WTAP: variants seen among roughly 807,000 people sequenced by gnomAD.
The protein encoded by WTAP is WT1 associated protein.
WTAP carries 8 observed loss-of-function variants against 50.0 expected under a neutral mutation model. The observed-to-expected ratio is 0.16, with a 90% confidence interval of 0.09 to 0.29. WTAP has a LOEUF of 0.29. WTAP is among the 10% of genes least tolerant of loss of function. The pLI is 1.00. For synonymous variants in WTAP, 194 were observed against 169.0 expected (o/e 1.15, Z -1.15); for missense variants, 295 against 470.7 (o/e 0.63, Z 3.45).
chr6:159,742,339 A>C (rs1314920132), intron 4 of WTAP, among the ~76,000 whole-genome samples, 193 bp downstream of exon 4: 1 of 152,214 alleles, frequency 6.6e-6, no homozygotes, highest in East Asian at 1.9e-4. Context: ...TGGAGAAGAC[A>C]GAGGTGTAAT....
At chr6:159,727,849 T>C (rs2114854140) in intron 1 of WTAP, 146 bp downstream of exon 1, 1 of 519,988 alleles carries the variant, frequency 1.9e-6, no homozygotes, top group Non-Finnish European at 2.5e-6. Flanking sequence ...CGTGAGCCGC[T>C]CTACCTTCCC....
At chr6:159,751,716 T>A (rs1168493919) in intron 6 of WTAP, among the ~76,000 whole-genome samples, 1 of 152,230 alleles carries the variant, frequency 6.6e-6, no homozygotes, top group African/African-American at 2.4e-5. Context: ...ACTCTTCAGG[T>A]ATTTTCTGGA....
At position 159,755,584 on chromosome 6, in the gene WTAP, TG is replaced by T. The variant is rs760412179; in HGVS notation, c.1165del (p.Val389Ter). 3 of 1,613,064 alleles carry T rather than the reference TG, an allele frequency of 1.9e-6. No individual in the cohort carries two copies. Among genetic ancestry groups the T allele is most frequent in the Non-Finnish European group, 2.5e-6 (3 of 1,179,590 alleles). On this transcript the variant is annotated frameshift_variant, in exon 8 of 8. Coordinates refer to ENST00000621533, the MANE Select transcript of WTAP (RefSeq NM_001270531.2). LOFTEE classifies it high-confidence loss of function. ...ACGTTCAGAATGGCTTGGACTCAAGTGTAAATGTACAGGGTTCAGTTTTGTA... is the reference window on the plus strand; with the variant it reads ...ACGTTCAGAATGGCTTGGACTCAAGTTAAATGTACAGGGTTCAGTTTTGTA... Reference protein sequence around the residue: ...RHVQNGLDSSVNVQGSVL With the variant: ...RHVQNGLDSSXNVQGSVL
chr6:159,732,136 G>C (rs1329670126), intron 1 of WTAP, among the ~76,000 whole-genome samples: 1 of 151,990 alleles, frequency 6.6e-6, no homozygotes, highest in Non-Finnish European at 1.5e-5. Flanking sequence ...TTTTTGATCC[G>C]AGTACTGTAT....
chr6:159,734,966 C>T (rs893795734), intron 1 of WTAP, among the ~76,000 whole-genome samples: 9 of 151,822 alleles, frequency 5.9e-5, no homozygotes, highest in African/African-American at 2.2e-4. Context: ...AGCATTCGTT[C>T]TAAAAAACAG....
chr6:159,744,252 C>G lies in WTAP; in HGVS notation c.273+460C>G, dbSNP rs771712113. ...TTAATTGTTAGAACTTTGATGTGTA[C>G]TGTGTAGTATTTACTATGTCTACGT... On this transcript the variant is annotated intron_variant, in intron 5 of 7. Coordinates refer to ENST00000621533, the MANE Select transcript of WTAP (RefSeq NM_001270531.2). Among the ~76,000 whole-genome samples, 2 of 152,094 alleles carry G rather than the reference C, an allele frequency of 1.3e-5. 1 individual carries two copies. The highest frequency in any genetic ancestry group is 2.9e-5 in the Non-Finnish European group (2 of 68,016).
rs1298146814 is a variant in WTAP, at chr6:159,748,005, A to G, written c.274-186A>G. ...TCAGATCGGGGTAATTAGCATATTCATCAAATAGTTTTTAGTCTGTACTTT... is the reference window on the plus strand; with the variant it reads ...TCAGATCGGGGTAATTAGCATATTCGTCAAATAGTTTTTAGTCTGTACTTT... On this transcript the variant is annotated intron_variant, in intron 5 of 7. Transcript: ENST00000621533. The surrounding 1 kb of genome is among the most constrained non-coding windows in gnomAD (Gnocchi z 5.6). Among the ~76,000 whole-genome samples the G allele has an allele frequency of 6.6e-6, 1 of 152,216 alleles. No individual in the cohort carries two copies. Among genetic ancestry groups the G allele is most frequent in the African/African-American group, 2.4e-5 (1 of 41,456 alleles).
Position 159,748,994 on chromosome 6 carries a change from A to T in WTAP, c.452+625A>T. 1 of 1,028,918 alleles carries T rather than the reference A, an allele frequency of 9.7e-7. No individual in the cohort carries two copies. Among genetic ancestry groups the T allele is most frequent in the Non-Finnish European group, 1.2e-6 (1 of 858,662 alleles). The allele number at this position is 1,028,918 out of a possible 1,614,324, so 63.7% of individuals were successfully genotyped here. A position where few individuals can be genotyped will look rare whatever the true frequency, so the allele number is the denominator to read the frequency against. On this transcript the variant is annotated intron_variant, in intron 6 of 7. Coordinates refer to ENST00000621533, the MANE Select transcript of WTAP (RefSeq NM_001270531.2). This position sits in a 1 kb window ranked among gnomAD's most constrained non-coding sequence, Gnocchi z 5.6. The stretch of plus-strand genomic sequence containing the variant: ...AACCAACTTTCAATAGTCATGAGAG[A>T]ATCAAATAATAGATGTCCGTACAAG...
chr6:159,751,182 A>C (rs1779806470), intron 6 of WTAP, among the ~76,000 whole-genome samples: 1 of 152,212 alleles, frequency 6.6e-6, no homozygotes, highest in Non-Finnish European at 1.5e-5. Context: ...ATTTTGTTAA[A>C]ATTTATTTTA....
intron 4 of WTAP, among the ~76,000 whole-genome samples, chr6:159,742,823 A>C (rs1779341315): frequency 1.3e-5 from 2 of 152,160 alleles, no homozygotes; most frequent in South Asian, 2.1e-4. Flanking sequence ...TGGGAGGCCA[A>C]GGTGGGAAGA....
intron 4 of WTAP, 47 bp from the exon 5 acceptor site, chr6:159,743,618 G>T: frequency 6.5e-7 from 1 of 1,540,338 alleles, no homozygotes; most frequent in South Asian, 1.3e-5. Flanking sequence ...GAGGTATTTA[G>T]AACTTGATCT....
chr6:159,731,890 A>G (rs1241708604), intron 1 of WTAP, among the ~76,000 whole-genome samples: 3 of 152,208 alleles, frequency 2.0e-5, no homozygotes, highest in Non-Finnish European at 4.4e-5. Context: ...ATGCCCTTTA[A>G]AAACAGATTA....
At position 159,755,862 on chromosome 6, in the gene WTAP, TGTA is replaced by T. The variant is rs919047129; in HGVS notation, c.*253_*255del. 7 of 549,204 alleles carry T rather than the reference TGTA, an allele frequency of 1.3e-5. No individual in the cohort carries two copies. Among genetic ancestry groups the T allele is most frequent in the African/African-American group, 1.0e-4 (5 of 49,834 alleles). The allele number at this position is 549,204 out of a possible 1,614,324, so 34.0% of individuals were successfully genotyped here. ...TGAATGTTGCTAAAAGGACATTTTG[TGTA>T]GGGTCAAGTTATTTTTATATGAGTT... On this transcript the variant is annotated 3_prime_UTR_variant, in exon 8 of 8. Transcript: ENST00000621533.
At chr6:159,726,963 C>T, upstream of WTAP, 1 of 1,284,494 alleles carries the variant, frequency 7.8e-7, no homozygotes, top group South Asian at 1.2e-5. Context: ...GCGTCACGAA[C>T]ACAGAGCGGC....
chr6:159,742,788 G>A (rs1779338941), intron 4 of WTAP, among the ~76,000 whole-genome samples: 1 of 152,046 alleles, frequency 6.6e-6, no homozygotes, highest in African/African-American at 2.4e-5. Context: ...AGGCACAGTG[G>A]CTCACACCTA....
intron 5 of WTAP, among the ~76,000 whole-genome samples, chr6:159,746,055 A>G (rs1779556854): frequency 6.6e-6 from 1 of 152,238 alleles, no homozygotes; most frequent in Non-Finnish European, 1.5e-5. Context: ...CAGGAAATCC[A>G]GCATTCCCTC....
At position 159,739,054 on chromosome 6, in the gene WTAP, T is replaced by G; in HGVS notation, c.86+9T>G. 1.2e-6 allele frequency: 2 copies of G among 1,608,792 alleles called. No individual in the cohort carries two copies. The highest frequency in any genetic ancestry group is 1.7e-6 in the Non-Finnish European group (2 of 1,176,462). ...GATGAGTTAATTCTAAGGTAAAATG[T>G]TCTCTGTTCAAAAACAAAGTCTTTC... On this transcript the variant is annotated intron_variant, in intron 3 of 7. Coordinates refer to ENST00000621533, the MANE Select transcript of WTAP (RefSeq NM_001270531.2).
chr6:159,748,135 C>T lies in WTAP; in HGVS notation c.274-56C>T. The T allele has an allele frequency of 6.5e-7, 1 of 1,534,606 alleles. No homozygotes were observed. Among genetic ancestry groups the T allele is most frequent in the Non-Finnish European group, 8.8e-7 (1 of 1,132,354 alleles). On this transcript the variant is annotated intron_variant, in intron 5 of 7. Transcript: ENST00000621533. This position sits in a 1 kb window ranked among gnomAD's most constrained non-coding sequence, Gnocchi z 5.6. Reference sequence around the variant, plus strand: ...AGTGAATGGAGGGAGTTTTCCCCACCTTCTTATGTATGTTTCCTTTGATTT... The same window carrying T: ...AGTGAATGGAGGGAGTTTTCCCCACTTTCTTATGTATGTTTCCTTTGATTT...
chr6:159,727,511 T>G lies in WTAP; in HGVS notation c.-201T>G. ...GGGCGGCGGGGCCTGGTTTCCTCCC[T>G]CAGCGCCATTTTGTGGCAGCGAGAC... On this transcript the variant is annotated 5_prime_UTR_variant, in exon 1 of 8. Coordinates refer to ENST00000621533, the MANE Select transcript of WTAP (RefSeq NM_001270531.2). 1.0e-6 allele frequency: 1 copy of G among 992,398 alleles called. No homozygotes were observed. The highest frequency in any genetic ancestry group is 1.2e-6 in the Non-Finnish European group (1 of 835,504). 61.5% of individuals were successfully genotyped at this position (992,398 alleles called of 1,614,324 possible). A position where few individuals can be genotyped will look rare whatever the true frequency, so the allele number is the denominator to read the frequency against.
Sources: gnomAD v4.1 joint callset for allele counts (sites outside exome capture counted in the v4.1 genomes callset) on GRCh38, gnomAD v4.1.1 for gene constraint, Gnocchi (gnomAD v3.1) non-coding constraint, MANE v1.5 for transcripts, NCBI Gene and HGNC (gene_info 2026-07-23, HGNC 2026-07-21) for gene names.